Variants in GLI3 observed in about 807,000 individuals in gnomAD.
The protein encoded by GLI3 is GLI family zinc finger 3.
GLI3 carries 20 observed loss-of-function variants against 100.8 expected under a neutral mutation model. The ratio of observed to expected loss-of-function variants is 0.20; its 90% confidence interval spans 0.14 to 0.29. GLI3 has a LOEUF of 0.29. Ranked by LOEUF, GLI3 falls within the 10% of genes least tolerant of loss-of-function variation. The pLI, the probability that GLI3 is intolerant of heterozygous loss-of-function variation, is 1.00. For synonymous variants in GLI3, 938 were observed against 860.5 expected, an observed-to-expected ratio of 1.09 and a Z score of -1.58; for missense variants, 2,040 against 2,128.5, an observed-to-expected ratio of 0.96 and a Z score of 0.82.
intron 1 of GLI3, among the ~76,000 whole-genome samples, chr7:42,236,312 T>C (rs1177037255): frequency 1.3e-5 from 2 of 152,188 alleles, no homozygotes; most frequent in Admixed American, 6.5e-5. Flanking sequence ...ACGGTTACTT[T>C]GTGTGTCTGT....
At chr7:42,121,946 T>C (rs1786010182) in intron 3 of GLI3, among the ~76,000 whole-genome samples, 1 of 152,048 alleles carries the variant, frequency 6.6e-6, no homozygotes, top group Non-Finnish European at 1.5e-5. Flanking sequence ...CCACAACAAG[T>C]GGAAGGTTTC....
At chr7:42,199,992 G>T (rs564348985) in intron 2 of GLI3, among the ~76,000 whole-genome samples, 1 of 152,136 alleles carries the variant, frequency 6.6e-6, no homozygotes, top group Non-Finnish European at 1.5e-5. Flanking sequence ...GGAGGCGGAG[G>T]TTGCAGTGAA....
chr7:42,184,345 C>T (rs1344472876), intron 2 of GLI3, among the ~76,000 whole-genome samples: 2 of 152,204 alleles, frequency 1.3e-5, no homozygotes, highest in Admixed American at 1.3e-4. Context: ...CTCCCTGTGG[C>T]TGCACCTTCA....
chr7:42,241,900 G>A (rs952074818), upstream of GLI3, among the ~76,000 whole-genome samples: 3 of 152,170 alleles, frequency 2.0e-5, no homozygotes, highest in African/African-American at 7.2e-5. Context: ...AGGTGAGCAT[G>A]GTGGATTTTA....
intron 1 of GLI3, among the ~76,000 whole-genome samples, 190 bp from the exon 2 acceptor site, chr7:42,223,485 A>G (rs1052515838): frequency 6.6e-6 from 1 of 152,208 alleles, no homozygotes; most frequent in African/African-American, 2.4e-5. Context: ...GTGAAACTCT[A>G]CACAAGCAAA....
At chr7:42,121,795 T>C (rs1444977539) in intron 3 of GLI3, among the ~76,000 whole-genome samples, 4 of 152,194 alleles carry the variant, frequency 2.6e-5, no homozygotes, top group Non-Finnish European at 5.9e-5. Context: ...TGCTATTGTT[T>C]TAAATCAGAA....
chr7:42,021,266 C>A (rs534773145), intron 10 of GLI3, among the ~76,000 whole-genome samples: 1 of 152,074 alleles, frequency 6.6e-6, no homozygotes, highest in Non-Finnish European at 1.5e-5. Flanking sequence ...AAATTAATAT[C>A]ATAAAGGTAA....
At chr7:41,991,285 A>G (rs1272271165) in intron 10 of GLI3, among the ~76,000 whole-genome samples, 1 of 152,212 alleles carries the variant, frequency 6.6e-6, no homozygotes, top group Non-Finnish European at 1.5e-5. Flanking sequence ...ATAGAAAACT[A>G]GCAGGCCCAT....
At chr7:41,987,252 T>C (rs1313697231) in intron 10 of GLI3, among the ~76,000 whole-genome samples, 1 of 152,064 alleles carries the variant, frequency 6.6e-6, no homozygotes, top group African/African-American at 2.4e-5. Context: ...CACTACAACC[T>C]CCACCTCCCG....
At chr7:42,160,118 AGG>A (rs373046199) in intron 2 of GLI3, among the ~76,000 whole-genome samples, 2 of 152,130 alleles carry the variant, frequency 1.3e-5, no homozygotes, top group East Asian at 3.9e-4. Context: ...CTTACTTCAT[AGG>A]GTATTGTGAG....
At chr7:42,137,029 C>T (rs897667059) in intron 3 of GLI3, among the ~76,000 whole-genome samples, 10 of 152,190 alleles carry the variant, frequency 6.6e-5, no homozygotes, top group African/African-American at 2.2e-4. Context: ...TTCCAAACCA[C>T]GTAAAAATGG....
intron 10 of GLI3, among the ~76,000 whole-genome samples, chr7:41,988,542 C>T (rs1392223573): frequency 1.3e-5 from 2 of 151,272 alleles, no homozygotes; most frequent in African/African-American, 4.9e-5. Flanking sequence ...GATTAGTGAC[C>T]TTATAAAGGG....
At chr7:42,211,262 T>G (rs1463701885) in intron 2 of GLI3, among the ~76,000 whole-genome samples, 1 of 152,186 alleles carries the variant, frequency 6.6e-6, no homozygotes. Context: ...AATCAAAAGG[T>G]AAATAAATGT....
At chr7:42,093,067 G>A (rs13242491) in intron 3 of GLI3, among the ~76,000 whole-genome samples, 35,422 of 151,750 alleles carry the variant, frequency 0.23, 4,358 homozygotes, top group Admixed American at 0.36. Context: ...ACCTGCCTCG[G>A]CCTCCCAGAG....
intron 10 of GLI3, among the ~76,000 whole-genome samples, chr7:41,996,487 G>C (rs557496112): frequency 1.3e-5 from 2 of 152,224 alleles, no homozygotes; most frequent in East Asian, 1.9e-4. Context: ...ATTTTGCTCT[G>C]AAGAGCTTTC....
chr7:42,163,071 T>C (rs1787165990), intron 2 of GLI3, among the ~76,000 whole-genome samples: 1 of 144,160 alleles, frequency 6.9e-6, no homozygotes, highest in Non-Finnish European at 1.5e-5. Flanking sequence ...ACAAACTAGA[T>C]ATCTTCCATC....
intron 10 of GLI3, among the ~76,000 whole-genome samples, chr7:42,021,237 T>C (rs576959692): frequency 8.5e-5 from 13 of 152,360 alleles, no homozygotes; most frequent in Admixed American, 5.2e-4. Context: ...TATTTACTCA[T>C]ATAATTTATC....
chr7:42,010,087 G>C (rs753578008), intron 10 of GLI3, among the ~76,000 whole-genome samples: 26 of 152,132 alleles, frequency 1.7e-4, no homozygotes, highest in Non-Finnish European at 3.2e-4. Flanking sequence ...TGCTTACAGT[G>C]GCTTTCTGGA....
intron 4 of GLI3, among the ~76,000 whole-genome samples, chr7:42,060,051 C>T (rs188469925): frequency 1.1e-3 from 160 of 152,364 alleles, no homozygotes; most frequent in African/African-American, 3.7e-3. Flanking sequence ...TAAAAGCCTG[C>T]TTTGCTCTCC....
Sources: gnomAD v4.1 joint callset for allele counts (sites outside exome capture counted in the v4.1 genomes callset) on GRCh38, gnomAD v4.1.1 for gene constraint, MANE v1.5 for transcripts, NCBI Gene and HGNC (gene_info 2026-07-23, HGNC 2026-07-21) for gene names.